The following VTI1A variants were observed in gnomAD, a reference collection of about 807,000 sequenced individuals.
VTI1A encodes vesicle transport through interaction with t-SNAREs 1A, also known as vesicle transport through interaction with t-SNAREs homolog 1A.
A neutral mutation model predicts 34.9 loss-of-function variants in VTI1A; 22 were observed. The ratio of observed to expected loss-of-function variants is 0.63; its 90% CI spans 0.45 to 0.90. The LOEUF (loss-of-function observed/expected upper bound fraction) is 0.90, where lower values mean the gene tolerates loss of function less well. Ranked by LOEUF, VTI1A falls within the 40% of genes least tolerant of loss-of-function variation. VTI1A has a pLI of 0.00. For missense variants in VTI1A, 268 were observed against 275.6 expected (o/e 0.97, Z 0.20); for synonymous variants, 87 against 97.3 (o/e 0.89, Z 0.62).
At chr10:112,652,850 C>T (rs1278715238) in intron 5 of VTI1A, among the ~76,000 whole-genome samples, 2 of 152,176 alleles carry the variant, frequency 1.3e-5, no homozygotes, top group East Asian at 1.9e-4. Flanking sequence ...CTAAAAGACT[C>T]ACCTTGCTTT....
At chr10:112,697,866 A>ATGTGTGTGTGTGTGTG (rs67142519) in intron 7 of VTI1A, among the ~76,000 whole-genome samples, 1 of 134,824 alleles carries the variant, frequency 7.4e-6, no homozygotes, top group East Asian at 2.1e-4. Context: ...TAGCATTTAC[A>ATGTGTGTGTGTGTGTG]TGTGTGTGTG....
At position 112,668,207 on chromosome 10, in the gene VTI1A, C is replaced by T; in HGVS notation, c.428-11C>T. The T allele has an allele frequency of 6.2e-7, 1 of 1,611,538 alleles. No homozygotes were observed. The highest frequency in any genetic ancestry group is 8.5e-7 in the Non-Finnish European group (1 of 1,178,518). On this transcript the variant is annotated splice_polypyrimidine_tract_variant and intron_variant, in intron 5 of 7. Coordinates refer to ENST00000393077, the MANE Select transcript of VTI1A (RefSeq NM_145206.4). ...AGTCATTTTTCCTCACTCAAATTTT[C>T]TTTTCCGTAGAGCAAATTGGTCAGG...
intron 3 of VTI1A, among the ~76,000 whole-genome samples, chr10:112,502,480 A>G (rs1352895407): frequency 6.6e-6 from 1 of 152,224 alleles, no homozygotes; most frequent in Non-Finnish European, 1.5e-5. Flanking sequence ...ATTAAATCAA[A>G]TAGAATTGAA....
chr10:112,598,351 C>A (rs562619659), intron 5 of VTI1A, among the ~76,000 whole-genome samples: 20 of 152,328 alleles, frequency 1.3e-4, no homozygotes, highest in Admixed American at 5.9e-4. Flanking sequence ...TCCTTCTGAA[C>A]CATTGTTTTC....
chr10:112,586,982 C>T (rs771965429), intron 5 of VTI1A, among the ~76,000 whole-genome samples: 6 of 152,102 alleles, frequency 3.9e-5, no homozygotes, highest in Non-Finnish European at 8.8e-5. Flanking sequence ...TAGCACTATT[C>T]ATTTATATAT....
chr10:112,836,498 A>G, the VTI1A span, among the ~76,000 whole-genome samples: 1 of 152,182 alleles, frequency 6.6e-6, no homozygotes, highest in African/African-American at 2.4e-5. Context: ...ATATTGTAAT[A>G]TAAAAGAGAA....
chr10:112,766,997 T>G (rs2134016133), intron 7 of VTI1A, among the ~76,000 whole-genome samples: 1 of 152,360 alleles, frequency 6.6e-6, no homozygotes, highest in African/African-American at 2.4e-5. Context: ...TAAATCTTGC[T>G]CCATATATAT....
At chr10:112,596,579 G>T (rs1477554166) in intron 5 of VTI1A, among the ~76,000 whole-genome samples, 3 of 152,014 alleles carry the variant, frequency 2.0e-5, no homozygotes, top group Non-Finnish European at 4.4e-5. Flanking sequence ...AAATTGCTGG[G>T]CTGAAAAACA....
At chr10:112,556,663 A>T (rs1851554106) in intron 5 of VTI1A, among the ~76,000 whole-genome samples, 1 of 152,056 alleles carries the variant, frequency 6.6e-6, no homozygotes. Context: ...TGTGAGCAAC[A>T]GGATTGGCTT....
intron 3 of VTI1A, among the ~76,000 whole-genome samples, chr10:112,493,492 T>C (rs948906845): frequency 1.3e-5 from 2 of 152,190 alleles, no homozygotes; most frequent in Admixed American, 1.3e-4. Context: ...TTCCACTGGC[T>C]ACACACTGAT....
At chr10:112,556,760 G>T (rs1851557916) in intron 5 of VTI1A, among the ~76,000 whole-genome samples, 1 of 151,942 alleles carries the variant, frequency 6.6e-6, no homozygotes, top group Admixed American at 6.6e-5. Context: ...TTCAAGCGAT[G>T]AATGCCTTCT....
At chr10:112,476,550 G>C (rs1382108596) in intron 3 of VTI1A, among the ~76,000 whole-genome samples, 1 of 152,132 alleles carries the variant, frequency 6.6e-6, no homozygotes, top group Non-Finnish European at 1.5e-5. Context: ...TTGCTGAAGG[G>C]AACAGAGGCC....
chr10:112,482,423 T>G (rs1170479927), intron 3 of VTI1A, among the ~76,000 whole-genome samples: 1 of 152,160 alleles, frequency 6.6e-6, no homozygotes, highest in Non-Finnish European at 1.5e-5. Context: ...TGTCAGTGCA[T>G]TTTATATCTG....
In VTI1A at chr10:112,593,481, C is replaced by T. The variant is rs974193537; in HGVS notation, c.427+55151C>T. On this transcript the variant is annotated intron_variant, in intron 5 of 7. Coordinates refer to ENST00000393077, the MANE Select transcript of VTI1A (RefSeq NM_145206.4). ...CAGTAGTTCTGACGAAAAGCCAGCT[C>T]GAGGTGATTGCCTCTTTTTTCCCAT... 2.0e-5 allele frequency among the ~76,000 whole-genome samples: 3 copies of T among 152,116 alleles called. No homozygotes were observed. The East Asian group carries it at 5.8e-4, about 29-fold the overall frequency.
chr10:112,750,592 G>A (rs1359428811), intron 7 of VTI1A, among the ~76,000 whole-genome samples: 1 of 152,074 alleles, frequency 6.6e-6, no homozygotes, highest in Non-Finnish European at 1.5e-5. Flanking sequence ...AGCTTTTGTG[G>A]GAGAACAAAC....
chr10:112,742,649 A>T (rs536878462), intron 7 of VTI1A, among the ~76,000 whole-genome samples: 1 of 152,368 alleles, frequency 6.6e-6, no homozygotes, highest in East Asian at 1.9e-4. Flanking sequence ...GTTTGTAGGA[A>T]AATGCAGCCT....
chr10:112,806,572 C>T (rs1853088337), intron 7 of VTI1A, among the ~76,000 whole-genome samples: 1 of 151,078 alleles, frequency 6.6e-6, no homozygotes, highest in African/African-American at 2.4e-5. Context: ...AGGCATGAGC[C>T]ACCGTGCCCA....
Position 112,533,262 on chromosome 10 carries a change from A to T in VTI1A, c.343-4984A>T, listed in dbSNP as rs149631485. ...TGAAGTCGTTCCCCTTTATTTCATG[A>T]TGGTGTCTTAGATGTACTTTAAAAG... On this transcript the variant is annotated intron_variant, in intron 4 of 7. Coordinates refer to ENST00000393077, the MANE Select transcript of VTI1A (RefSeq NM_145206.4). Among the ~76,000 whole-genome samples, 1,107 of 152,060 alleles carry T rather than the reference A, an allele frequency of 7.3e-3. 20 individuals are homozygous for T. The highest frequency in any genetic ancestry group is 0.025 in the African/African-American group (1,052 of 41,522).
chr10:112,748,553 A>G (rs1020522806), intron 7 of VTI1A, among the ~76,000 whole-genome samples: 1 of 150,520 alleles, frequency 6.6e-6, no homozygotes, highest in African/African-American at 2.5e-5. Context: ...GGATAATTAT[A>G]CACATGTACA....
Sources: allele counts gnomAD v4.1 joint callset (sites outside exome capture counted in the v4.1 genomes callset), GRCh38; gene constraint gnomAD v4.1.1; transcripts MANE v1.5; gene names NCBI Gene and HGNC (gene_info 2026-07-23, HGNC 2026-07-21).